Variants in TTLL3 observed in about 807,000 individuals in gnomAD.
TTLL3 encodes tubulin monoglycylase TTLL3.
A neutral mutation model predicts 75.2 loss-of-function variants in TTLL3; 63 were observed. That is an observed-to-expected ratio of 0.84 (90% CI 0.68 to 1.03). The LOEUF (loss-of-function observed/expected upper bound fraction) is 1.03, where lower values mean the gene tolerates loss of function less well. Ranked by LOEUF, TTLL3 falls within the 50% of genes least tolerant of loss-of-function variation. The probability of loss-of-function intolerance (pLI) is 0.00; values close to 1 mark genes in which losing one functional copy is unlikely to be tolerated. For missense variants in TTLL3, 997 were observed against 1,069.9 expected, an observed-to-expected ratio of 0.93 and a Z score of 0.95; for synonymous variants, 393 against 418.5, an observed-to-expected ratio of 0.94 and a Z score of 0.74.
chr3:9,829,954 T>G (rs2081368296), intron 11 of TTLL3, among the ~76,000 whole-genome samples: 1 of 152,226 alleles, frequency 6.6e-6, no homozygotes, highest in South Asian at 2.1e-4. Context: ...GCGATTCTCC[T>G]GCCTCAGCCT....
Position 9,825,949 on chromosome 3 carries a change from G to T in TTLL3, c.1003+1G>T, listed in dbSNP as rs774097446. ...CCAGGAGCCAAGTCCCGCGGACGAG[G>T]TGGGGGTCAGCTCCTGCTTCCTGCA... On this transcript the variant is annotated splice_donor_variant, in intron 9 of 13. Coordinates refer to ENST00000685419, the MANE Select transcript of TTLL3 (RefSeq NM_001387446.1). LOFTEE classifies it high-confidence loss of function. 2 of 1,612,390 alleles carry T rather than the reference G, an allele frequency of 1.2e-6. No individual in the cohort carries two copies. Among genetic ancestry groups the T allele is most frequent in the Non-Finnish European group, 1.7e-6 (2 of 1,178,594 alleles).
rs773140552 is a variant in TTLL3 at position 9,820,682 on chromosome 3, G to A, written c.795G>A (p.Pro265=). The A allele has an allele frequency of 1.3e-5, 21 of 1,614,024 alleles. No individual in the cohort carries two copies. Among genetic ancestry groups the A allele is most frequent in the South Asian group, 8.8e-5 (8 of 91,088 alleles). ...HMDIDKDLEA[P]LYLTPEGWSL... is the part of the protein sequence containing the mutation. Reference sequence around the variant, plus strand: ...ACATCGACAAGGACCTGGAGGCCCCGCTGTACCTCACCCCCGAGGGCTGGT... The same window carrying A: ...ACATCGACAAGGACCTGGAGGCCCCACTGTACCTCACCCCCGAGGGCTGGT... The change falls in exon 8 of 14, where the codon CCG becomes CCA. Residue 265 remains proline, a synonymous_variant. Transcript: ENST00000685419.
At chr3:9,816,319 A>G (rs2079855183) in intron 5 of TTLL3, 117 bp downstream of exon 5, 1 of 1,119,226 alleles carries the variant, frequency 8.9e-7, no homozygotes, top group Non-Finnish European at 1.2e-6. Flanking sequence ...GGGGAAGTAT[A>G]CAATTCAGAA....
rs952135019 is a variant in TTLL3 at position 9,834,685 on chromosome 3, T to C, written c.1830T>C (p.Arg610=). The stretch of plus-strand genomic sequence containing the variant: ...CAGCTTCTCTTGCTCCCACAGCCCG[T>C]CACCACTTCCCCAGCCTCCACACCA... ...LLTQRGSGEA[R]HHFPSLHTKA... Residue 610 remains arginine (R), a synonymous_variant, in exon 13 of 14, where the codon CGT becomes CGC. Coordinates refer to ENST00000685419, the MANE Select transcript of TTLL3 (RefSeq NM_001387446.1). 10 of 1,613,870 alleles carry C rather than the reference T, an allele frequency of 6.2e-6. No individual in the cohort carries two copies. The highest frequency in any genetic ancestry group is 6.8e-6 in the Non-Finnish European group (8 of 1,179,998).
chr3:9,818,794 A>G (rs757686410), intron 6 of TTLL3, 28 bp from the exon 7 acceptor site: 1 of 1,613,826 alleles, frequency 6.2e-7, no homozygotes, highest in African/African-American at 1.3e-5. Flanking sequence ...CTAGGGGCTG[A>G]GCAGGGTATC....
chr3:9,833,028 C>G (rs1317561812), intron 11 of TTLL3, 76 bp from the exon 12 acceptor site: 28 of 1,566,778 alleles, frequency 1.8e-5, no homozygotes, highest in Admixed American at 3.5e-5. Context: ...CCACCCATCT[C>G]TACTCTGGGT....
Position 9,810,807 on chromosome 3 carries a change from A to T in TTLL3, c.48+98A>T. 8.5e-7 allele frequency: 1 copy of T among 1,177,924 alleles called. No individual in the cohort carries two copies. Among genetic ancestry groups the T allele is most frequent in the Non-Finnish European group, 1.2e-6 (1 of 849,792 alleles). The allele number at this position is 1,177,924 out of a possible 1,614,324, so 73.0% of individuals were successfully genotyped here. A position where few individuals can be genotyped will look rare whatever the true frequency, so the allele number is the denominator to read the frequency against. On this transcript the variant is annotated intron_variant, in intron 2 of 13. Transcript: ENST00000685419. The surrounding 1 kb of genome is among the most constrained non-coding windows in gnomAD (Gnocchi z 4.4). Reference sequence around the variant, plus strand: ...TATATCCTTAAAAAACAAAAGCAAAAGAAAAAACAATAGCAAAAATCCTCA... The same window carrying T: ...TATATCCTTAAAAAACAAAAGCAAATGAAAAAACAATAGCAAAAATCCTCA...
At position 9,829,004 on chromosome 3, in the gene TTLL3, A is replaced by T; in HGVS notation, c.1292A>T (p.Asn431Ile). The change falls in exon 11 of 14, where the codon AAC becomes ATC. Residue 431 changes from asparagine to isoleucine, a missense_variant. Asn to Ile is a moderately radical substitution (Grantham distance 149). Transcript: ENST00000685419. ...AACTCCATCCAGAAGCACCTGGAGA[A>T]CTCATGCCATCGGCATCCACTGCTT... Reference protein sequence around the residue: ...CNNSIQKHLENSCHRHPLLPP... With the variant: ...CNNSIQKHLEISCHRHPLLPP... 6.2e-7 allele frequency: 1 copy of T among 1,614,174 alleles called. No individual in the cohort carries two copies. Among genetic ancestry groups the T allele is most frequent in the East Asian group, 2.2e-5 (1 of 44,880 alleles).
chr3:9,810,065 G>T, upstream of TTLL3: 1 of 1,361,054 alleles, frequency 7.3e-7, no homozygotes, highest in Non-Finnish European at 9.4e-7. The surrounding 1 kb of genome is among the most constrained non-coding windows in gnomAD (Gnocchi z 4.4). Flanking sequence ...CCCGGGCGCC[G>T]GGGCTCGGCC....
intron 7 of TTLL3, 198 bp from the exon 8 acceptor site, chr3:9,820,348 G>A: frequency 4.2e-6 from 6 of 1,434,594 alleles, no homozygotes; most frequent in Non-Finnish European, 4.6e-6. Flanking sequence ...GACAGTGGGA[G>A]CCAAGGGCAA....
In TTLL3 at chr3:9,829,085, G is replaced by T; in HGVS notation, c.1373G>T (p.Gly458Val). The T allele has an allele frequency of 6.2e-7, 1 of 1,614,224 alleles. No individual in the cohort carries two copies. The highest frequency in any genetic ancestry group is 8.5e-7 in the Non-Finnish European group (1 of 1,180,038). Residue 458 changes from glycine (G) to valine (V), a missense_variant, in exon 11 of 14, where the codon GGT becomes GTT. By Grantham distance (109) the Gly-to-Val change is moderately radical. Transcript: ENST00000685419. ...QRFQAHLQEM[G>V]APNAWSTIIV... ...TTCCAGGCCCACCTGCAGGAGATGG[G>T]TGCCCCAAATGCTTGGTCCACCATC...
intron 5 of TTLL3, 35 bp from the exon 6 acceptor site, chr3:9,817,609 AG>A (rs773907733): frequency 5.6e-6 from 9 of 1,613,300 alleles, no homozygotes. Flanking sequence ...GAGTGTGGGC[AG>A]TCCTGCCCTG....
rs1477443023 is a variant in TTLL3 at position 9,810,691 on chromosome 3, C to CGTGGAGAG, written c.31_38dup (p.Ala14TrpfsTer19). Reference sequence around the variant, plus strand: ...ACCGGCTCAGAAACGCCAAAATCTACGTGGAGAGAGCTGTCAAGGTCAGAG... The same window carrying CGTGGAGAG: ...ACCGGCTCAGAAACGCCAAAATCTACGTGGAGAGGTGGAGAGAGCTGTCAAGGTCAGAG... On this transcript the variant is annotated frameshift_variant, in exon 2 of 14. Coordinates refer to ENST00000685419, the MANE Select transcript of TTLL3 (RefSeq NM_001387446.1). LOFTEE classifies it high-confidence loss of function. The surrounding 1 kb of genome is among the most constrained non-coding windows in gnomAD (Gnocchi z 4.4). 6.3e-7 allele frequency: 1 copy of CGTGGAGAG among 1,587,440 alleles called. No homozygotes were observed. The highest frequency in any genetic ancestry group is 1.2e-5 in the South Asian group (1 of 86,590).
chr3:9,819,799 CTT>C (rs1490387927), intron 7 of TTLL3: 2 of 985,498 alleles, frequency 2.0e-6, no homozygotes, highest in East Asian at 2.3e-4. Flanking sequence ...ATTGCTGTCT[CTT>C]GTGTGTGTCA....
chr3:9,810,670 G>T lies in TTLL3; in HGVS notation c.9G>T (p.Arg3=). 2 of 1,585,828 alleles carry T rather than the reference G, an allele frequency of 1.3e-6. No homozygotes were observed. The highest frequency in any genetic ancestry group is 1.3e-5 in the African/African-American group (1 of 74,768). ...CCTCCAAGGCGTCTCACATGAACCG[G>T]CTCAGAAACGCCAAAATCTACGTGG... MN[R]LRNAKIYVER... Residue 3 remains arginine (R), a synonymous_variant, in exon 2 of 14, where the codon CGG becomes CGT. Coordinates refer to ENST00000685419, the MANE Select transcript of TTLL3 (RefSeq NM_001387446.1). This position sits in a 1 kb window ranked among gnomAD's most constrained non-coding sequence, Gnocchi z 4.4.
At chr3:9,812,341 C>T (rs1231646718) in intron 2 of TTLL3, among the ~76,000 whole-genome samples, 10 of 152,118 alleles carry the variant, frequency 6.6e-5, no homozygotes, top group Admixed American at 4.6e-4. Context: ...ATGGTGAAAC[C>T]CTGTCTCTAC....
chr3:9,827,210 C>T lies in TTLL3; in HGVS notation c.1217C>T (p.Thr406Met), dbSNP rs142298876. 1.4e-4 allele frequency: 232 copies of T among 1,614,214 alleles called. 1 individual carries two copies. The Middle Eastern group carries it at 2.6e-3, about 18-fold the overall frequency. ...CGCGACAGCTATATCCGCTTTTCCA[C>T]GCAGCCCTTCTCCCTGAAGAACCTG... is the stretch of plus-strand genomic sequence containing the variant. ...FYRDSYIRFS[T>M]QPFSLKNLDN... The change falls in exon 10 of 14, where the codon ACG becomes ATG. Residue 406 changes from threonine (T) to methionine (M), a missense_variant. By Grantham distance (81) the Thr-to-Met change is moderately conservative. Coordinates refer to ENST00000685419, the MANE Select transcript of TTLL3 (RefSeq NM_001387446.1).
rs2081968740 is a variant in TTLL3, at chr3:9,835,276, C to T, written c.2235C>T (p.Pro745=). ...CPMKRLSPLK[P]LPLVGTFQRR... ...TGAAGAGGCTGAGCCCCCTGAAACC[C>T]CTGCCCCTTGTTGGTACATTCCAGA... The change falls in exon 14 of 14, where the codon CCC becomes CCT. Residue 745 remains proline (P), a synonymous_variant. Transcript: ENST00000685419. 1 of 1,614,194 alleles carries T rather than the reference C, an allele frequency of 6.2e-7. No homozygotes were observed. The highest frequency in any genetic ancestry group is 8.5e-7 in the Non-Finnish European group (1 of 1,180,026).
Position 9,836,234 on chromosome 3 carries a change from A to G in TTLL3, c.*745A>G, listed in dbSNP as rs1450997119. ...GGATTACCTGAGCCTGGGAAGATCA[A>G]AACTGTGGTGAGCTGTGATCACGCC... On this transcript the variant is annotated 3_prime_UTR_variant, in exon 14 of 14. Transcript: ENST00000685419. The G allele has an allele frequency of 1.3e-5, 2 of 151,926 alleles. No individual in the cohort carries two copies. The highest frequency in any genetic ancestry group is 1.9e-4 in the East Asian group (1 of 5,144). The allele number at this position is 151,926 out of a possible 1,614,324, so 9.4% of individuals were successfully genotyped here.
Sources: allele counts gnomAD v4.1 joint callset (sites outside exome capture counted in the v4.1 genomes callset), GRCh38; gene constraint gnomAD v4.1.1; non-coding constraint Gnocchi (gnomAD v3.1); transcripts MANE v1.5; gene names NCBI Gene and HGNC (gene_info 2026-07-23, HGNC 2026-07-21).